Variants in TMTC2 observed in about 807,000 individuals in gnomAD.
The protein encoded by TMTC2 is protein O-mannosyl-transferase TMTC2.
In TMTC2, 43 loss-of-function variants were observed where a neutral mutation model predicts 82.4. The ratio of observed to expected loss-of-function variants is 0.52; its 90% CI spans 0.41 to 0.67. TMTC2 has a LOEUF of 0.67. Ranked by LOEUF, TMTC2 falls within the 30% of genes least tolerant of loss-of-function variation. The pLI is 0.00. For synonymous variants in TMTC2, 408 were observed against 381.9 expected, an observed-to-expected ratio of 1.07 and a Z score of -0.80; for missense variants, 919 against 1,012.4, an observed-to-expected ratio of 0.91 and a Z score of 1.25.
Position 83,132,373 on chromosome 12 carries a change from A to G in TMTC2, c.2495A>G (p.Lys832Arg), listed in dbSNP as rs1473449094. ...LWNIMEKQGLKTSKT is the reference protein window; with the variant it reads ...LWNIMEKQGLRTSKT ...AACATCATGGAAAAACAAGGCTTAAAGACTTCTAAGACCTGACACAGGAGG... is the reference window on the plus strand; with the variant it reads ...AACATCATGGAAAAACAAGGCTTAAGGACTTCTAAGACCTGACACAGGAGG... Residue 832 changes from lysine (K) to arginine (R), a missense_variant, in exon 12 of 12, where the codon AAG becomes AGG. Transcript: ENST00000321196. The G allele has an allele frequency of 1.9e-6, 3 of 1,613,774 alleles. No individual in the cohort carries two copies. Among genetic ancestry groups the G allele is most frequent in the African/African-American group, 2.7e-5 (2 of 74,900 alleles).
chr12:83,128,519 A>G (rs1053180002), intron 11 of TMTC2, among the ~76,000 whole-genome samples: 9 of 152,244 alleles, frequency 5.9e-5, no homozygotes, highest in Middle Eastern at 3.4e-3. Context: ...ACTTTGTTCT[A>G]TACATTATAA....
intron 11 of TMTC2, among the ~76,000 whole-genome samples, chr12:83,073,485 C>T (rs1883186570): frequency 6.6e-6 from 1 of 152,052 alleles, no homozygotes. Flanking sequence ...ATGAATTTTC[C>T]AGGTGTTCTT....
At chr12:82,730,766 C>T (rs1874758048) in intron 1 of TMTC2, among the ~76,000 whole-genome samples, 1 of 152,166 alleles carries the variant, frequency 6.6e-6, no homozygotes, top group South Asian at 2.1e-4. Context: ...ATAACCTTAC[C>T]TTATTGTGGG....
chr12:82,802,130 C>T (rs1252987809), intron 1 of TMTC2, among the ~76,000 whole-genome samples: 7 of 152,106 alleles, frequency 4.6e-5, no homozygotes, highest in South Asian at 2.1e-4. Context: ...GGAAGGCTCA[C>T]GCATGGTAGG....
At chr12:83,044,411 G>A (rs1025449780) in intron 9 of TMTC2, among the ~76,000 whole-genome samples, 2 of 152,164 alleles carry the variant, frequency 1.3e-5, no homozygotes, top group Non-Finnish European at 2.9e-5. Flanking sequence ...AGAGGGTGGG[G>A]AAGAACCTGT....
intron 1 of TMTC2, among the ~76,000 whole-genome samples, chr12:82,771,142 G>T (rs1010126018): frequency 3.3e-5 from 5 of 150,640 alleles, no homozygotes; most frequent in African/African-American, 1.2e-4. Flanking sequence ...TGGAGGCAGA[G>T]ATTGCAGTGA....
chr12:83,025,668 C>T (rs1881135730), intron 8 of TMTC2, among the ~76,000 whole-genome samples: 1 of 152,118 alleles, frequency 6.6e-6, no homozygotes, highest in Admixed American at 6.6e-5. Flanking sequence ...CTTTAGGTGC[C>T]AATCCAAGTT....
intron 1 of TMTC2, among the ~76,000 whole-genome samples, chr12:82,719,167 C>G (rs1356175686): frequency 7.4e-6 from 1 of 135,604 alleles, no homozygotes; most frequent in Non-Finnish European, 1.5e-5. Context: ...GATCTCAGCT[C>G]ACTGCAACCT....
At chr12:82,891,615 T>A (rs1391775983) in intron 2 of TMTC2, among the ~76,000 whole-genome samples, 2 of 152,184 alleles carry the variant, frequency 1.3e-5, no homozygotes, top group Non-Finnish European at 2.9e-5. Context: ...GCCTAGTTGA[T>A]AATTTTTAAT....
intron 1 of TMTC2, among the ~76,000 whole-genome samples, chr12:82,719,589 CT>C (rs1476952815): frequency 6.6e-6 from 1 of 150,920 alleles, no homozygotes; most frequent in African/African-American, 2.4e-5. Flanking sequence ...ATGCCTTTTC[CT>C]TTTTTATACC....
At position 82,719,868 on chromosome 12, in the gene TMTC2, A is replaced by G. The variant is rs866713679; in HGVS notation, c.83+32199A>G. Among the ~76,000 whole-genome samples the G allele has an allele frequency of 2.0e-5, 3 of 152,250 alleles. No homozygotes were observed. In the Middle Eastern group the frequency reaches 0.01, roughly 518 times the overall value. On this transcript the variant is annotated intron_variant, in intron 1 of 11. Transcript: ENST00000321196. ...GTATGCTACGAGAGTTTGAAATGAA[A>G]CGTAAGTTCATGGCAAATAGTACAG...
At chr12:82,971,117 T>C (rs1312189954) in intron 7 of TMTC2, among the ~76,000 whole-genome samples, 1 of 152,090 alleles carries the variant, frequency 6.6e-6, no homozygotes, top group East Asian at 1.9e-4. Context: ...TTAAAAACCC[T>C]TATAAAATAA....
intron 8 of TMTC2, among the ~76,000 whole-genome samples, chr12:82,990,779 G>A (rs1164831480): frequency 6.6e-6 from 1 of 152,058 alleles, no homozygotes. Flanking sequence ...TTTAAGGGCT[G>A]GGGACATGGC....
intron 8 of TMTC2, 98 bp downstream of exon 8, chr12:82,986,144 C>A: frequency 6.6e-7 from 1 of 1,524,068 alleles, no homozygotes. Context: ...GTTATCTAAG[C>A]TATTAGGGAT....
At chr12:82,871,313 G>A (rs749712602) in intron 2 of TMTC2, among the ~76,000 whole-genome samples, 1 of 151,592 alleles carries the variant, frequency 6.6e-6, no homozygotes, top group Non-Finnish European at 1.5e-5. Context: ...CTGTTTTTGT[G>A]CAATTTTAGT....
chr12:82,855,148 G>A (rs945728970), intron 1 of TMTC2, among the ~76,000 whole-genome samples: 2 of 152,194 alleles, frequency 1.3e-5, no homozygotes, highest in South Asian at 4.1e-4. Context: ...GGTTAATTGG[G>A]AAGCAATCTA....
intron 2 of TMTC2, among the ~76,000 whole-genome samples, chr12:82,865,182 C>T (rs1202049603): frequency 5.3e-5 from 8 of 152,108 alleles, no homozygotes; most frequent in East Asian, 3.9e-4. Flanking sequence ...GCTGAGATCG[C>T]GTCGCTGCAC....
intron 3 of TMTC2, among the ~76,000 whole-genome samples, chr12:82,905,179 G>T (rs910502313): frequency 1.6e-4 from 24 of 151,982 alleles, no homozygotes; most frequent in Admixed American, 1.6e-3. Flanking sequence ...TCTCTTCCCT[G>T]AAATCAACTT....
intron 3 of TMTC2, among the ~76,000 whole-genome samples, chr12:82,912,491 G>T (rs1045825452): frequency 2.0e-5 from 3 of 152,208 alleles, no homozygotes; most frequent in Non-Finnish European, 4.4e-5. Flanking sequence ...CAAGGTCTAA[G>T]ATATTTTGAA....
Sources: gnomAD v4.1 joint callset for allele counts (sites outside exome capture counted in the v4.1 genomes callset) on GRCh38, gnomAD v4.1.1 for gene constraint, MANE v1.5 for transcripts, NCBI Gene and HGNC (gene_info 2026-07-23, HGNC 2026-07-21) for gene names.